Variants in ZNF521 observed in about 807,000 individuals in gnomAD.
The protein encoded by ZNF521 is LYST-interacting protein 3.
A neutral mutation model predicts 105.5 loss-of-function variants in ZNF521; 14 were observed. The ratio of observed to expected loss-of-function variants is 0.13; its 90% CI spans 0.09 to 0.21. The LOEUF (loss-of-function observed/expected upper bound fraction) is 0.21, where lower values mean the gene tolerates loss of function less well. Ranked by LOEUF, ZNF521 falls within the 10% of genes least tolerant of loss-of-function variation. ZNF521 has a pLI of 1.00. For missense variants in ZNF521, 1,233 were observed against 1,629.7 expected (o/e 0.76, Z 4.19); for synonymous variants, 635 against 606.0 (o/e 1.05, Z -0.70).
At chr18:25,145,148 C>T (rs868202376) in intron 5 of ZNF521, among the ~76,000 whole-genome samples, 1 of 152,136 alleles carries the variant, frequency 6.6e-6, no homozygotes, top group African/African-American at 2.4e-5. Context: ...ACTTTTGTAA[C>T]CAGACTGAGG....
At chr18:25,320,782 T>C (rs1912896910) in intron 3 of ZNF521, among the ~76,000 whole-genome samples, 5 of 152,136 alleles carry the variant, frequency 3.3e-5, no homozygotes, top group Admixed American at 2.0e-4. Flanking sequence ...AACTGTAAAA[T>C]ATATATGTAT....
chr18:25,112,653 C>CG (rs917196319), intron 5 of ZNF521, among the ~76,000 whole-genome samples: 37 of 151,994 alleles, frequency 2.4e-4, no homozygotes, highest in Admixed American at 7.2e-4. Flanking sequence ...ATGTGGGGTG[C>CG]GGGGGGGCAG....
intron 4 of ZNF521, among the ~76,000 whole-genome samples, chr18:25,208,468 G>T (rs2036121327): frequency 2.0e-5 from 3 of 152,132 alleles, no homozygotes; most frequent in Admixed American, 2.0e-4. Flanking sequence ...TCCAGTTTTA[G>T]TAAGTACAGA....
intron 7 of ZNF521, among the ~76,000 whole-genome samples, chr18:25,072,871 A>AT (rs959201168): frequency 2.6e-5 from 4 of 152,116 alleles, no homozygotes; most frequent in Non-Finnish European, 4.4e-5. Flanking sequence ...CTAAGCTTTA[A>AT]TTTTTTCCCC....
chr18:25,320,068 C>T (rs1912854591), intron 3 of ZNF521, among the ~76,000 whole-genome samples: 1 of 152,122 alleles, frequency 6.6e-6, no homozygotes, highest in Non-Finnish European at 1.5e-5. Flanking sequence ...GATCCTGAAT[C>T]GTGGATGAGG....
At chr18:25,207,005 G>A (rs1294546249) in intron 4 of ZNF521, among the ~76,000 whole-genome samples, 1 of 152,018 alleles carries the variant, frequency 6.6e-6, no homozygotes, top group African/African-American at 2.4e-5. Flanking sequence ...TTAACCCCTT[G>A]ATTTAACTAA....
chr18:25,322,451 G>T (rs180881688), intron 2 of ZNF521: 253 of 422,444 alleles, frequency 6.0e-4, no homozygotes, highest in African/African-American at 5.2e-3. Flanking sequence ...CCACTCTTAA[G>T]ACTGACTTTA....
Position 25,274,363 on chromosome 18 carries a change from G to T in ZNF521, c.221-46666C>A, listed in dbSNP as rs561304847. Among the ~76,000 whole-genome samples the T allele has an allele frequency of 1.8e-3, 273 of 152,248 alleles. 2 individuals carry two copies. Among genetic ancestry groups the T allele is most frequent in the Admixed American group, 4.9e-3 (75 of 15,280 alleles). ...CAGAAGGCGGTCTCTTCTAACTTCT[G>T]GATCTGATGACCAAATCCTCCCAGA... On this transcript the variant is annotated intron_variant, in intron 3 of 7. Transcript: ENST00000361524.
chr18:25,067,112 G>C (rs1043060982), intron 7 of ZNF521, among the ~76,000 whole-genome samples: 1 of 152,150 alleles, frequency 6.6e-6, no homozygotes, highest in South Asian at 2.1e-4. Flanking sequence ...ATCTCCTGGA[G>C]ACCCCATGTC....
chr18:25,276,684 A>G (rs1910051653), intron 3 of ZNF521, among the ~76,000 whole-genome samples: 1 of 152,074 alleles, frequency 6.6e-6, no homozygotes, highest in African/African-American at 2.4e-5. Context: ...CACATCCCAC[A>G]CTTCAATTTT....
intron 5 of ZNF521, among the ~76,000 whole-genome samples, chr18:25,182,139 T>C (rs1056336970): frequency 1.3e-5 from 2 of 152,114 alleles, no homozygotes; most frequent in African/African-American, 2.4e-5. Context: ...AAGGTAGTGA[T>C]TCAAAAATTG....
At chr18:25,299,308 G>T (rs2145061454) in intron 3 of ZNF521, among the ~76,000 whole-genome samples, 1 of 152,298 alleles carries the variant, frequency 6.6e-6, no homozygotes, top group South Asian at 2.1e-4. Flanking sequence ...TCCAATGAAG[G>T]AGGGCAGGAG....
chr18:25,207,767 C>T (rs912031702), intron 4 of ZNF521, among the ~76,000 whole-genome samples: 3 of 152,166 alleles, frequency 2.0e-5, no homozygotes, highest in Admixed American at 1.3e-4. Context: ...CCAGGTATAA[C>T]CTCTTAGTTC....
intron 7 of ZNF521, among the ~76,000 whole-genome samples, chr18:25,070,446 C>T (rs992664522): frequency 1.2e-4 from 19 of 152,252 alleles, no homozygotes; most frequent in African/African-American, 4.6e-4. Context: ...TCCATCTCAT[C>T]CAAAGCAACC....
chr18:25,142,961 T>C (rs1176537499), intron 5 of ZNF521, among the ~76,000 whole-genome samples: 1 of 152,144 alleles, frequency 6.6e-6, no homozygotes, highest in Non-Finnish European at 1.5e-5. Flanking sequence ...AAGATATTAA[T>C]CTGACTATAA....
chr18:25,233,731 C>CT (rs1196105681), intron 3 of ZNF521, among the ~76,000 whole-genome samples: 1 of 149,504 alleles, frequency 6.7e-6, no homozygotes, highest in Non-Finnish European at 1.5e-5. Context: ...CCCAACAACA[C>CT]TTTAACACTT....
At chr18:25,086,223 T>A (rs908606033) in intron 7 of ZNF521, among the ~76,000 whole-genome samples, 4 of 152,010 alleles carry the variant, frequency 2.6e-5, no homozygotes, top group Admixed American at 1.3e-4. Flanking sequence ...TTTTAGAAAA[T>A]TTTTTTTCAC....
At chr18:25,259,565 G>C (rs1380897718) in intron 3 of ZNF521, among the ~76,000 whole-genome samples, 1 of 152,148 alleles carries the variant, frequency 6.6e-6, no homozygotes, top group East Asian at 1.9e-4. Context: ...GAAGGGAGTA[G>C]AGAGGAAAAC....
intron 5 of ZNF521, among the ~76,000 whole-genome samples, chr18:25,145,331 G>C (rs986865228): frequency 3.3e-5 from 5 of 152,100 alleles, no homozygotes; most frequent in African/African-American, 1.2e-4. Flanking sequence ...GAAAGGATGA[G>C]AGTACTGAAT....
Sources: allele counts gnomAD v4.1 joint callset (sites outside exome capture counted in the v4.1 genomes callset), GRCh38; gene constraint gnomAD v4.1.1; transcripts MANE v1.5; gene names NCBI Gene and HGNC (gene_info 2026-07-23, HGNC 2026-07-21).